RP1: variants seen among roughly 807,000 people sequenced by gnomAD.
RP1 encodes RP1 axonemal microtubule associated, also known as oxygen-regulated protein 1.
In RP1, 16 loss-of-function variants were observed where a neutral mutation model predicts 14.8. The ratio of observed to expected loss-of-function variants is 1.08; its 90% confidence interval spans 0.73 to 1.65. The LOEUF (loss-of-function observed/expected upper bound fraction) is 1.65, where lower values mean the gene tolerates loss of function less well. Ranked by LOEUF, RP1 falls within the 40% of genes most tolerant of loss-of-function variation. The pLI is 0.00. For missense variants in RP1, 2,631 were observed against 2,535.0 expected (o/e 1.04, Z -0.81); for synonymous variants, 876 against 883.6 (o/e 0.99, Z 0.15).
chr8:54,697,999 A>C (rs187563135), intron 12 of RP1, among the ~76,000 whole-genome samples: 1 of 152,340 alleles, frequency 6.6e-6, no homozygotes, highest in East Asian at 1.9e-4. Context: ...TTCATGACTA[A>C]AACACCAATA....
At chr8:54,694,740 A>G (rs1389612233) in intron 12 of RP1, among the ~76,000 whole-genome samples, 1 of 152,008 alleles carries the variant, frequency 6.6e-6, no homozygotes, top group Admixed American at 6.6e-5. Context: ...CTAGCGGTCT[A>G]TCAATTTTGT....
At chr8:54,814,232 A>C (rs1811080648) in intron 24 of RP1, among the ~76,000 whole-genome samples, 1 of 152,196 alleles carries the variant, frequency 6.6e-6, no homozygotes, top group South Asian at 2.1e-4. Context: ...TGTTAGGCGC[A>C]TATTTAAGAC....
chr8:54,659,844 A>C (rs1244158389), intron 6 of RP1, among the ~76,000 whole-genome samples: 1 of 152,150 alleles, frequency 6.6e-6, no homozygotes, highest in African/African-American at 2.4e-5. Context: ...AAGTCTTCTA[A>C]CCTACAAACT....
At chr8:54,715,093 A>G (rs1043502786) in intron 15 of RP1, among the ~76,000 whole-genome samples, 18 of 152,280 alleles carry the variant, frequency 1.2e-4, no homozygotes, top group Non-Finnish European at 1.5e-5. Context: ...CGTTTTGGTA[A>G]GTGCTTGACA....
intron 24 of RP1, among the ~76,000 whole-genome samples, chr8:54,786,840 G>T (rs924610624): frequency 1.3e-5 from 2 of 152,062 alleles, no homozygotes. Context: ...AATAAGAACT[G>T]GCCCAATATA....
chr8:54,655,508 T>A (rs539018549), intron 5 of RP1, among the ~76,000 whole-genome samples: 1 of 152,306 alleles, frequency 6.6e-6, no homozygotes, highest in Admixed American at 6.5e-5. Flanking sequence ...GGGGGAACCA[T>A]ATCAGTTTGA....
At chr8:54,613,984 G>A (rs1217411064), upstream of RP1, among the ~76,000 whole-genome samples, 1 of 152,132 alleles carries the variant, frequency 6.6e-6, no homozygotes, top group East Asian at 1.9e-4. Context: ...AAATAATAAT[G>A]TCCATTTACT....
chr8:54,731,305 G>A (rs1015650616), intron 17 of RP1, among the ~76,000 whole-genome samples: 1 of 152,134 alleles, frequency 6.6e-6, no homozygotes, highest in Admixed American at 6.6e-5. Flanking sequence ...CACAGGGCAT[G>A]TTTTTGAGTC....
chr8:54,817,395 A>G (rs1811159653), intron 24 of RP1, among the ~76,000 whole-genome samples: 1 of 152,046 alleles, frequency 6.6e-6, no homozygotes, highest in Admixed American at 6.6e-5. Flanking sequence ...GGAAAGGTGG[A>G]GGGGAGACTT....
chr8:54,673,830 T>C (rs759328920), intron 7 of RP1: 26 of 1,517,360 alleles, frequency 1.7e-5, no homozygotes, highest in Non-Finnish European at 2.1e-5. Context: ...GATCTAATTA[T>C]ACTTTTTGAT....
intron 1 of RP1, among the ~76,000 whole-genome samples, chr8:54,576,297 G>A (rs1804660464): frequency 6.6e-6 from 1 of 152,000 alleles, no homozygotes; most frequent in African/African-American, 2.4e-5. Flanking sequence ...CGCCCGCCTC[G>A]GCCTCCCAAA....
chr8:54,817,448 C>T lies in RP1; in HGVS notation c.3616-20002C>T, dbSNP rs1046063610. Among the ~76,000 whole-genome samples, 42 of 151,992 alleles carry T rather than the reference C, an allele frequency of 2.8e-4. 1 individual carries two copies. The highest frequency in any genetic ancestry group is 2.5e-3 in the Admixed American group (38 of 15,252). ...CAGGGGAATGTTAGGAGAGAAGATA[C>T]TGATGGAGGAAGCCTATAGCTGTTG... On this transcript the variant is annotated intron_variant, in intron 24 of 28. Transcript: ENST00000637698.
At chr8:54,657,977 G>T (rs1245248607) in intron 6 of RP1, among the ~76,000 whole-genome samples, 1 of 152,276 alleles carries the variant, frequency 6.6e-6, no homozygotes, top group East Asian at 1.9e-4. Flanking sequence ...GTTCACTTGT[G>T]TTAAGTGTAT....
At chr8:54,701,810 C>T in intron 14 of RP1, 2 of 703,728 alleles carry the variant, frequency 2.8e-6, no homozygotes, top group Non-Finnish European at 2.3e-6. Context: ...TTCTGTTTGG[C>T]AGACTTTGAA....
intron 21 of RP1, among the ~76,000 whole-genome samples, chr8:54,757,818 C>A (rs762967031): frequency 6.6e-6 from 1 of 152,202 alleles, no homozygotes; most frequent in Non-Finnish European, 1.5e-5. Flanking sequence ...CCTTGTAAAG[C>A]CGTGCTGAGA....
intron 22 of RP1, chr8:54,769,679 G>A (rs1269151985): frequency 8.8e-7 from 1 of 1,139,378 alleles, no homozygotes; most frequent in Admixed American, 2.4e-5. Context: ...GAGAAAATCA[G>A]AAATTAATTT....
At chr8:54,689,251 T>C (rs1420049976) in intron 12 of RP1, among the ~76,000 whole-genome samples, 1 of 152,182 alleles carries the variant, frequency 6.6e-6, no homozygotes, top group East Asian at 1.9e-4. Flanking sequence ...AATCATGTCA[T>C]CTGCAAACAG....
At chr8:54,720,030 C>A in intron 15 of RP1, 1 of 997,226 alleles carries the variant, frequency 1.0e-6, no homozygotes, top group Non-Finnish European at 1.4e-6. Context: ...CATAGTGATT[C>A]GAAACGAGAC....
intron 1 of RP1, 35 bp from the exon 2 acceptor site, chr8:54,620,920 C>G (rs1398355692): frequency 1.3e-6 from 2 of 1,596,854 alleles, no homozygotes; most frequent in Admixed American, 1.7e-5. Context: ...CGCTATGGTG[C>G]TGTGATTCTG....
Sources: allele counts gnomAD v4.1 joint callset (sites outside exome capture counted in the v4.1 genomes callset), GRCh38; gene constraint gnomAD v4.1.1; transcripts MANE v1.5; gene names NCBI Gene and HGNC (gene_info 2026-07-23, HGNC 2026-07-21).